LSAMP: variants seen among roughly 807,000 people sequenced by gnomAD.
LSAMP encodes limbic system-associated membrane protein.
LSAMP carries 7 observed loss-of-function variants against 38.6 expected under a neutral mutation model. That is an observed-to-expected ratio of 0.18 (90% CI 0.10 to 0.34). LSAMP has a LOEUF of 0.34. LSAMP is among the 10% of genes least tolerant of loss of function. The probability of loss-of-function intolerance (pLI) is 1.00; values close to 1 mark genes in which losing one functional copy is unlikely to be tolerated. For missense variants in LSAMP, 313 were observed against 420.0 expected, an observed-to-expected ratio of 0.75 and a Z score of 2.23; for synonymous variants, 154 against 166.8, an observed-to-expected ratio of 0.92 and a Z score of 0.59.
chr3:116,203,550 A>T (rs13075397), intron 1 of LSAMP, among the ~76,000 whole-genome samples: 19 of 45,706 alleles, frequency 4.2e-4, no homozygotes, highest in South Asian at 8.8e-4. Flanking sequence ...CCCTCCCCCC[A>T]CCCCCCACCC....
chr3:116,026,233 C>T (rs894028577), intron 2 of LSAMP, among the ~76,000 whole-genome samples: 18 of 152,138 alleles, frequency 1.2e-4, no homozygotes, highest in South Asian at 2.1e-4. Context: ...GGCTCTGCCA[C>T]CTGTTTTTCT....
At position 116,285,729 on chromosome 3, in the gene LSAMP, T is replaced by C. The variant is rs539418503; in HGVS notation, c.155+159148A>G. ...AGTGTCTAGAATCAGGCTAGGTGCA[T>C]AGCAAGTGCTCATTAAATGTCAATG... On this transcript the variant is annotated intron_variant, in intron 1 of 6. Transcript: ENST00000490035. Among the ~76,000 whole-genome samples the C allele has an allele frequency of 3.3e-5, 5 of 152,326 alleles. No individual in the cohort carries two copies. The East Asian group carries it at 9.7e-4, about 29-fold the overall frequency.
At chr3:115,932,582 G>GA (rs776540656) in intron 3 of LSAMP, among the ~76,000 whole-genome samples, 4 of 152,164 alleles carry the variant, frequency 2.6e-5, no homozygotes, top group Non-Finnish European at 5.9e-5. Flanking sequence ...AAGCTGAAAA[G>GA]ATGATCACAT....
chr3:116,318,429 T>TC (rs1319238796), intron 1 of LSAMP, among the ~76,000 whole-genome samples: 1 of 152,160 alleles, frequency 6.6e-6, no homozygotes, highest in Non-Finnish European at 1.5e-5. Flanking sequence ...TCTGACATTC[T>TC]CTAAGTCTAC....
intron 1 of LSAMP, among the ~76,000 whole-genome samples, chr3:116,427,856 T>C (rs2049224501): frequency 6.6e-6 from 1 of 152,146 alleles, no homozygotes; most frequent in South Asian, 2.1e-4. Flanking sequence ...GTTTAAACTA[T>C]ACCCTAATAG....
chr3:116,054,703 T>A (rs1941457516), intron 2 of LSAMP, among the ~76,000 whole-genome samples: 1 of 152,170 alleles, frequency 6.6e-6, no homozygotes. Flanking sequence ...AGTAAAAACA[T>A]AATTTTTGCA....
chr3:116,241,890 G>A (rs1397421943), intron 1 of LSAMP, among the ~76,000 whole-genome samples: 1 of 152,226 alleles, frequency 6.6e-6, no homozygotes, highest in Non-Finnish European at 1.5e-5. Flanking sequence ...AATTGGGGGT[G>A]TAACCCTATG....
At chr3:115,961,692 T>G (rs906170906) in intron 3 of LSAMP, among the ~76,000 whole-genome samples, 2 of 152,064 alleles carry the variant, frequency 1.3e-5, no homozygotes, top group African/African-American at 4.8e-5. Flanking sequence ...CTTCCTCCAC[T>G]CTCTTCTGAG....
chr3:116,241,849 G>T (rs1330922521), intron 1 of LSAMP, among the ~76,000 whole-genome samples: 1 of 152,208 alleles, frequency 6.6e-6, no homozygotes, highest in East Asian at 1.9e-4. Flanking sequence ...CACTGTTAGA[G>T]AAAGAACATT....
intron 1 of LSAMP, among the ~76,000 whole-genome samples, chr3:116,162,995 G>T (rs1190533675): frequency 6.6e-6 from 1 of 151,762 alleles, no homozygotes; most frequent in Admixed American, 6.6e-5. Context: ...GTCCTCACTA[G>T]GAACACTAGA....
At chr3:116,084,455 C>CAA (rs57753152) in intron 2 of LSAMP, among the ~76,000 whole-genome samples, 12 of 102,390 alleles carry the variant, frequency 1.2e-4, no homozygotes, top group South Asian at 1.0e-3. Context: ...AAAATCATGG[C>CAA]AAAAAAAAAA....
At chr3:116,162,766 T>TACAC (rs1491281013) in intron 1 of LSAMP, among the ~76,000 whole-genome samples, 16 of 38,234 alleles carry the variant, frequency 4.2e-4, no homozygotes, top group East Asian at 2.9e-3. Context: ...TACACACACT[T>TACAC]ATACACACAC....
chr3:116,110,274 A>T (rs888689491), intron 1 of LSAMP, among the ~76,000 whole-genome samples: 1 of 152,044 alleles, frequency 6.6e-6, no homozygotes. Context: ...TCCCCAGAAA[A>T]GCAGAGAAGG....
At chr3:116,380,180 T>C (rs2107800547) in intron 1 of LSAMP, among the ~76,000 whole-genome samples, 1 of 151,958 alleles carries the variant, frequency 6.6e-6, no homozygotes, top group Non-Finnish European at 1.5e-5. Flanking sequence ...ATGTACCTCT[T>C]GGGTTGCTAT....
In LSAMP at chr3:116,299,255, T is replaced by A. The variant is rs558598548; in HGVS notation, c.155+145622A>T. Among the ~76,000 whole-genome samples the A allele has an allele frequency of 2.6e-5, 4 of 152,302 alleles. 1 individual carries two copies. The South Asian group carries it at 8.3e-4, about 32-fold the overall frequency. On this transcript the variant is annotated intron_variant, in intron 1 of 6. Coordinates refer to ENST00000490035, the MANE Select transcript of LSAMP (RefSeq NM_002338.5). Reference sequence around the variant, plus strand: ...GGTAGGAGAAGGATTACTATTGACATGCTAAAAGGTCACTGATGTATAATC... The same window carrying A: ...GGTAGGAGAAGGATTACTATTGACAAGCTAAAAGGTCACTGATGTATAATC...
chr3:116,274,069 G>GT lies in LSAMP; in HGVS notation c.155+170807_155+170808insA, dbSNP rs912732520. Among the ~76,000 whole-genome samples, 5 of 96,954 alleles carry GT rather than the reference G, an allele frequency of 5.2e-5. No homozygotes were observed. In the Admixed American group the frequency reaches 5.5e-4, roughly 11 times the overall value. The allele number at this position is 96,954 out of a possible 152,430, so 63.6% of individuals were successfully genotyped here. A position where few individuals can be genotyped will look rare whatever the true frequency, so the allele number is the denominator to read the frequency against. On this transcript the variant is annotated intron_variant, in intron 1 of 6. Transcript: ENST00000490035. The stretch of plus-strand genomic sequence containing the variant: ...CCTCTTCATTATAAATTATTTCAGA[G>GT]GAGTTTTCTGGACTGTTCTCTCTCA...
intron 3 of LSAMP, among the ~76,000 whole-genome samples, chr3:115,878,913 G>T (rs1385671928): frequency 6.6e-6 from 1 of 152,126 alleles, no homozygotes; most frequent in Non-Finnish European, 1.5e-5. Flanking sequence ...GGTGAATTAT[G>T]GGGTCAACTT....
chr3:116,069,250 G>A (rs1707539071), intron 2 of LSAMP, among the ~76,000 whole-genome samples: 1 of 152,126 alleles, frequency 6.6e-6, no homozygotes, highest in Non-Finnish European at 1.5e-5. Context: ...CTTTCCACAT[G>A]TCCTAGTTCT....
chr3:116,300,819 A>G (rs1390702445), intron 1 of LSAMP, among the ~76,000 whole-genome samples: 1 of 152,144 alleles, frequency 6.6e-6, no homozygotes, highest in Non-Finnish European at 1.5e-5. Flanking sequence ...TGATCTGTCA[A>G]GTCTCTTCAT....
Sources: gnomAD v4.1 joint callset for allele counts (sites outside exome capture counted in the v4.1 genomes callset) on GRCh38, gnomAD v4.1.1 for gene constraint, MANE v1.5 for transcripts, NCBI Gene and HGNC (gene_info 2026-07-23, HGNC 2026-07-21) for gene names.